The following KBTBD12 variants were observed in gnomAD, a reference collection of about 807,000 sequenced individuals.
KBTBD12 encodes kelch repeat and BTB domain containing 12, also known as kelch repeat and BTB domain-containing protein 12.
Under a neutral mutation model 58.7 loss-of-function variants are expected in KBTBD12, and 53 were observed. The observed-to-expected ratio is 0.90, with a 90% CI of 0.72 to 1.14. KBTBD12 has a LOEUF of 1.14. KBTBD12 is among the 50% of genes most tolerant of loss of function. The pLI, the probability that KBTBD12 is intolerant of heterozygous loss-of-function variation, is 0.00. For synonymous variants in KBTBD12, 236 were observed against 259.8 expected, an observed-to-expected ratio of 0.91 and a Z score of 0.88; for missense variants, 704 against 751.3, an observed-to-expected ratio of 0.94 and a Z score of 0.74.
chr3:127,951,177 G>T (rs774764280), intron 4 of KBTBD12, among the ~76,000 whole-genome samples: 7 of 152,076 alleles, frequency 4.6e-5, no homozygotes, highest in African/African-American at 9.7e-5. Context: ...TCTATTTTTT[G>T]ATTAAATGTC....
chr3:127,973,726 A>G (rs1940726518), intron 5 of KBTBD12, among the ~76,000 whole-genome samples: 1 of 152,168 alleles, frequency 6.6e-6, no homozygotes, highest in Admixed American at 6.5e-5. Context: ...TGCAGAATAC[A>G]CCGGTATTCA....
intron 5 of KBTBD12, among the ~76,000 whole-genome samples, chr3:127,972,859 A>G (rs1940709153): frequency 6.6e-6 from 1 of 152,252 alleles, no homozygotes; most frequent in Non-Finnish European, 1.5e-5. Flanking sequence ...TAATAAATGT[A>G]GAAGTCATGA....
chr3:127,975,517 A>G (rs1424358185), intron 5 of KBTBD12, among the ~76,000 whole-genome samples: 3 of 152,220 alleles, frequency 2.0e-5, no homozygotes, highest in Non-Finnish European at 4.4e-5. Flanking sequence ...GGGTCAGAAA[A>G]GACAGATTCA....
At chr3:127,962,341 T>A (rs1192457245) in intron 4 of KBTBD12, among the ~76,000 whole-genome samples, 2 of 152,178 alleles carry the variant, frequency 1.3e-5, no homozygotes, top group Non-Finnish European at 2.9e-5. Flanking sequence ...GATAGGAAAT[T>A]TGTATACAAT....
chr3:127,939,270 C>T (rs766309857), intron 4 of KBTBD12, among the ~76,000 whole-genome samples: 10 of 152,208 alleles, frequency 6.6e-5, no homozygotes, highest in Non-Finnish European at 1.3e-4. Flanking sequence ...TTGCTTTCGT[C>T]TTTTCCTTTC....
intron 5 of KBTBD12, among the ~76,000 whole-genome samples, chr3:127,970,118 T>A (rs979074304): frequency 5.9e-5 from 9 of 152,130 alleles, no homozygotes; most frequent in African/African-American, 2.2e-4. Flanking sequence ...GATAACATAT[T>A]TTTAATGGAC....
intron 5 of KBTBD12, among the ~76,000 whole-genome samples, chr3:127,981,058 A>G (rs1398462588): frequency 6.6e-6 from 1 of 152,182 alleles, no homozygotes; most frequent in Non-Finnish European, 1.5e-5. Context: ...TTTAAAGCAA[A>G]TCTAATAATC....
Position 127,923,093 on chromosome 3 carries a change from A to G in KBTBD12, c.32A>G (p.Tyr11Cys), listed in dbSNP as rs1302148441. 1.9e-6 allele frequency: 3 copies of G among 1,610,152 alleles called. No individual in the cohort carries two copies. The highest frequency in any genetic ancestry group is 2.2e-5 in the South Asian group (2 of 90,896). The change falls in exon 2 of 6, where the codon TAC (tyrosine) becomes TGC (cysteine). Residue 11 changes from tyrosine to cysteine, a missense_variant. Transcript: ENST00000405109. Reference sequence around the variant, plus strand: ...TGCAAGATTGAGGGAAAAGAAAAATACCAACATAGCTTGAATTTACTGAAT... The same window carrying G: ...TGCAAGATTGAGGGAAAAGAAAAATGCCAACATAGCTTGAATTTACTGAAT... MECKIEGKEK[Y>C]QHSLNLLNKI... is the part of the protein sequence containing the mutation.
intron 4 of KBTBD12, among the ~76,000 whole-genome samples, chr3:127,954,975 A>C (rs1417869501): frequency 6.6e-6 from 1 of 152,148 alleles, no homozygotes; most frequent in Non-Finnish European, 1.5e-5. Flanking sequence ...TTGTCACACT[A>C]TACTCAGACT....
chr3:127,922,909 A>G, intron 1 of KBTBD12, 41 bp from the exon 2 acceptor site: 1 of 565,776 alleles, frequency 1.8e-6, no homozygotes, highest in East Asian at 2.8e-5. Flanking sequence ...ATTATAGAGA[A>G]TTTTTTCTTA....
rs536191266 is a variant in KBTBD12, at chr3:127,937,267, G to A, written c.1492+6984G>A. Among the ~76,000 whole-genome samples the A allele has an allele frequency of 8.8e-4, 134 of 152,106 alleles. 1 individual carries two copies. Among genetic ancestry groups the A allele is most frequent in the Middle Eastern group, 3.4e-3 (1 of 294 alleles). On this transcript the variant is annotated intron_variant, in intron 4 of 5. Transcript: ENST00000405109. ...GTCAGACAAATAGTGTGCTTACTCC[G>A]TTTAAAGAAATAAAAGAATAAAATT...
intron 3 of KBTBD12, 51 bp from the exon 4 acceptor site, chr3:127,930,082 C>G: frequency 6.7e-7 from 1 of 1,503,250 alleles, no homozygotes; most frequent in Non-Finnish European, 9.0e-7. Context: ...CATGTACTCA[C>G]AAAGATTGCT....
chr3:127,928,934 A>G (rs889933508), intron 3 of KBTBD12, among the ~76,000 whole-genome samples: 3 of 152,146 alleles, frequency 2.0e-5, no homozygotes, highest in African/African-American at 7.2e-5. Flanking sequence ...AACACATTTA[A>G]TTTTTTCTGC....
At chr3:127,955,563 C>T (rs1050064944) in intron 4 of KBTBD12, among the ~76,000 whole-genome samples, 1 of 152,104 alleles carries the variant, frequency 6.6e-6, no homozygotes, top group Admixed American at 6.5e-5. Context: ...CCTACTAAAA[C>T]GGCAGATTCC....
chr3:127,919,080 C>T (rs1939334194), intron 1 of KBTBD12, among the ~76,000 whole-genome samples: 1 of 152,138 alleles, frequency 6.6e-6, no homozygotes, highest in South Asian at 2.1e-4. Context: ...CCTGTCCTAT[C>T]CACAGACTGG....
Position 127,984,114 on chromosome 3 carries a change from T to G in KBTBD12, c.1708T>G (p.Ser570Ala). ...FHGADRHEVI[S>A]KEILELDPWE... ...TTTTTCAGATCGCCATGAGGTTATC[T>G]CCAAAGAAATATTGGAACTGGACCC... is the stretch of plus-strand genomic sequence containing the variant. The change falls in exon 6 of 6, where the codon TCC becomes GCC. Residue 570 changes from serine to alanine, a missense_variant. Transcript: ENST00000405109. 2 of 1,613,426 alleles carry G rather than the reference T, an allele frequency of 1.2e-6. No homozygotes were observed. Among genetic ancestry groups the G allele is most frequent in the Non-Finnish European group, 8.5e-7 (1 of 1,179,712 alleles).
chr3:127,932,225 G>C (rs1485212977), intron 4 of KBTBD12, among the ~76,000 whole-genome samples: 1 of 152,036 alleles, frequency 6.6e-6, no homozygotes, highest in Non-Finnish European at 1.5e-5. Context: ...CAGCCCAAAA[G>C]GGTCATCTTC....
chr3:127,938,400 C>A (rs944009790), intron 4 of KBTBD12, among the ~76,000 whole-genome samples: 5 of 151,594 alleles, frequency 3.3e-5, no homozygotes, highest in Admixed American at 3.3e-4. Flanking sequence ...AGTATGCATG[C>A]GAAATTTCTA....
chr3:127,974,374 C>T (rs908502046), intron 5 of KBTBD12, among the ~76,000 whole-genome samples: 10 of 152,154 alleles, frequency 6.6e-5, no homozygotes, highest in African/African-American at 1.7e-4. Flanking sequence ...CTCCATGATA[C>T]GGAAAGAGGG....
Sources: gnomAD v4.1 joint callset for allele counts (sites outside exome capture counted in the v4.1 genomes callset) on GRCh38, gnomAD v4.1.1 for gene constraint, MANE v1.5 for transcripts, NCBI Gene and HGNC (gene_info 2026-07-23, HGNC 2026-07-21) for gene names.